TRMT11: variants seen among roughly 807,000 people sequenced by gnomAD.
TRMT11 encodes the protein tRNA methyltransferase 11.
TRMT11 carries 53 observed loss-of-function variants against 62.8 expected under a neutral mutation model. That is an observed-to-expected ratio of 0.84 (90% CI 0.68 to 1.06). The LOEUF (loss-of-function observed/expected upper bound fraction) is 1.06, where lower values mean the gene tolerates loss of function less well. Ranked by LOEUF, TRMT11 falls within the 50% of genes least tolerant of loss-of-function variation. The pLI, the probability that TRMT11 is intolerant of heterozygous loss-of-function variation, is 0.00. For synonymous variants in TRMT11, 188 were observed against 190.3 expected (o/e 0.99, Z 0.10); for missense variants, 556 against 553.4 (o/e 1.00, Z -0.05).
chr6:126,019,764 C>T (rs561502412), intron 11 of TRMT11, among the ~76,000 whole-genome samples: 3 of 152,140 alleles, frequency 2.0e-5, no homozygotes, highest in South Asian at 2.1e-4. Context: ...GAGCAAGATC[C>T]GTTCTCTGAA....
intron 17 of TRMT11, among the ~76,000 whole-genome samples, chr6:126,063,841 G>A (rs893124131): frequency 2.6e-5 from 4 of 152,186 alleles, no homozygotes; most frequent in Non-Finnish European, 5.9e-5. Context: ...GAGGATCCGA[G>A]CCTTCTGGGT....
Position 125,986,684 on chromosome 6 carries a change from G to T in TRMT11, c.72+62G>T. 9 of 1,475,778 alleles carry T rather than the reference G, an allele frequency of 6.1e-6. No homozygotes were observed. In the South Asian group the frequency reaches 9.7e-5, roughly 16 times the overall value. The allele number at this position is 1,475,778 out of a possible 1,614,324, so 91.4% of individuals were successfully genotyped here. ...GAGGACGCTGGAGTGGAGTGGAGTG[G>T]GTGGAGGTGATCTGCATAGCCCGAG... On this transcript the variant is annotated intron_variant, in intron 1 of 12. Transcript: ENST00000334379.
chr6:126,005,012 C>A (rs1793143968), intron 7 of TRMT11, among the ~76,000 whole-genome samples: 1 of 151,994 alleles, frequency 6.6e-6, no homozygotes, highest in Non-Finnish European at 1.5e-5. Flanking sequence ...TCTCCACTTT[C>A]CCAAAGGGGA....
the TRMT11 span, among the ~76,000 whole-genome samples, chr6:126,224,644 C>T: frequency 6.4e-3 from 971 of 152,262 alleles, 15 homozygotes; most frequent in African/African-American, 0.022. Context: ...AGAGTCGCAC[C>T]GCAGCAGGGT....
chr6:126,016,770 T>C (rs895296355), intron 11 of TRMT11, among the ~76,000 whole-genome samples: 2 of 152,018 alleles, frequency 1.3e-5, no homozygotes, highest in Admixed American at 6.6e-5. Flanking sequence ...CTAACACATG[T>C]GGGAAGACAA....
rs917297159 is a variant in TRMT11 at position 126,028,585 on chromosome 6, C to G, written c.1260+7305C>G. Among the ~76,000 whole-genome samples the G allele has an allele frequency of 5.9e-5, 9 of 152,186 alleles. No individual in the cohort carries two copies. In the South Asian group the frequency reaches 6.2e-4, roughly 11 times the overall value. The stretch of plus-strand genomic sequence containing the variant: ...TCAGGTTCATTTGGTCTACTTAGTT[C>G]CAAATGAATTTTCTTTTGCTGTTTG... On this transcript the variant is annotated intron_variant, in intron 12 of 12. Transcript: ENST00000334379.
At chr6:126,033,422 A>T (rs1266812827) in intron 12 of TRMT11, among the ~76,000 whole-genome samples, 1 of 152,056 alleles carries the variant, frequency 6.6e-6, no homozygotes, top group Non-Finnish European at 1.5e-5. Flanking sequence ...GGTTCTTTTT[A>T]ATGCTGTATT....
At chr6:126,015,243 T>G (rs1329982830) in intron 11 of TRMT11, among the ~76,000 whole-genome samples, 1 of 152,120 alleles carries the variant, frequency 6.6e-6, no homozygotes, top group African/African-American at 2.4e-5. Flanking sequence ...ATCTTTTTTT[T>G]GAGATGGAGT....
At position 126,018,044 on chromosome 6, in the gene TRMT11, T is replaced by C. The variant is rs531413430; in HGVS notation, c.1140-3116T>C. 8.6e-4 allele frequency among the ~76,000 whole-genome samples: 131 copies of C among 152,320 alleles called. 1 individual carries two copies. Among genetic ancestry groups the C allele is most frequent in the South Asian group, 1.5e-3 (7 of 4,822 alleles). On this transcript the variant is annotated intron_variant, in intron 11 of 12. Transcript: ENST00000334379. Reference sequence around the variant, plus strand: ...GTTTCTTTATAAATGATGACCTTTATAGAAATCCAGCTGCTAGTGTTAGTG... The same window carrying C: ...GTTTCTTTATAAATGATGACCTTTACAGAAATCCAGCTGCTAGTGTTAGTG...
Position 125,998,110 on chromosome 6 carries a change from TA to T in TRMT11, c.275del (p.Asn92ThrfsTer19). The T allele has an allele frequency of 6.2e-7, 1 of 1,613,684 alleles. No individual in the cohort carries two copies. The highest frequency in any genetic ancestry group is 8.5e-7 in the Non-Finnish European group (1 of 1,179,676). On this transcript the variant is annotated frameshift_variant, in exon 4 of 13. Coordinates refer to ENST00000334379, the MANE Select transcript of TRMT11 (RefSeq NM_001031712.3). LOFTEE classifies it high-confidence loss of function. ...CTCCTGAGGAGCTGTACAGTTCTCT[TA>T]AAAACTACCCTGTGGAGAAGATGGT... ...QSPEELYSSL[K>X]NYPVEKMVPF...
At chr6:126,103,540 T>A (rs1002977264) in intron 17 of TRMT11, among the ~76,000 whole-genome samples, 1 of 152,224 alleles carries the variant, frequency 6.6e-6, no homozygotes, top group Admixed American at 6.5e-5. Context: ...GGCTCAGTTC[T>A]CATCTGGAGG....
intron 17 of TRMT11, among the ~76,000 whole-genome samples, chr6:126,110,123 C>T (rs985459527): frequency 6.6e-6 from 1 of 152,180 alleles, no homozygotes; most frequent in East Asian, 1.9e-4. Flanking sequence ...AGACCTGAGA[C>T]TCTTAATCAG....
At position 126,021,223 on chromosome 6, in the gene TRMT11, G is replaced by A; in HGVS notation, c.1203G>A (p.Lys401=). ...AACTCGTTAGCAACTGCGAGCAGAAGCTTTCCAGTCACACATCAAGGCGCT... is the reference window on the plus strand; with the variant it reads ...AACTCGTTAGCAACTGCGAGCAGAAACTTTCCAGTCACACATCAAGGCGCT... ...CLELVSNCEQ[K]LSSHTSRRLI... is the part of the protein sequence containing the mutation. Residue 401 remains lysine (K), a synonymous_variant, in exon 12 of 13, where the codon AAG becomes AAA. Transcript: ENST00000334379. The A allele has an allele frequency of 6.2e-7, 1 of 1,614,208 alleles. No individual in the cohort carries two copies. Among genetic ancestry groups the A allele is most frequent in the Non-Finnish European group, 8.5e-7 (1 of 1,180,022 alleles).
chr6:126,111,051 A>C (rs1250639813), intron 17 of TRMT11, among the ~76,000 whole-genome samples: 4 of 152,132 alleles, frequency 2.6e-5, no homozygotes, highest in Non-Finnish European at 5.9e-5. Flanking sequence ...TTAAATGTCT[A>C]GATTAGAGAT....
chr6:126,110,664 A>G (rs1413953722), intron 17 of TRMT11, among the ~76,000 whole-genome samples: 7 of 152,166 alleles, frequency 4.6e-5, no homozygotes, highest in East Asian at 1.9e-4. Context: ...CAGAAACCAT[A>G]GAAACATGTG....
the TRMT11 span, among the ~76,000 whole-genome samples, chr6:126,254,118 C>T: frequency 6.6e-6 from 1 of 152,170 alleles, no homozygotes; most frequent in Non-Finnish European, 1.5e-5. Flanking sequence ...ATCAGGGAAG[C>T]CAGCTCCATT....
the TRMT11 span, among the ~76,000 whole-genome samples, chr6:126,243,114 A>G: frequency 1.3e-5 from 2 of 152,178 alleles, no homozygotes; most frequent in South Asian, 2.1e-4. Flanking sequence ...CCCATCAAAA[A>G]CTAGGCGAAG....
chr6:126,022,995 G>A (rs1796048659), intron 12 of TRMT11, among the ~76,000 whole-genome samples: 1 of 152,002 alleles, frequency 6.6e-6, no homozygotes, highest in African/African-American at 2.4e-5. Flanking sequence ...TTTAAGATTT[G>A]CCTTTAAAGA....
chr6:126,207,963 A>G (rs1254271080), downstream of TRMT11, among the ~76,000 whole-genome samples: 1 of 152,200 alleles, frequency 6.6e-6, no homozygotes, highest in East Asian at 1.9e-4. Context: ...AAAACTGAAC[A>G]TTAGGAAAAG....
Sources: allele counts gnomAD v4.1 joint callset (sites outside exome capture counted in the v4.1 genomes callset), GRCh38; gene constraint gnomAD v4.1.1; transcripts MANE v1.5; gene names NCBI Gene and HGNC (gene_info 2026-07-23, HGNC 2026-07-21).